Variants in CSMD1 observed in about 807,000 individuals in gnomAD.
The protein encoded by CSMD1 is CUB and sushi domain-containing protein 1.
A neutral mutation model predicts 417.5 loss-of-function variants in CSMD1; 213 were observed. The observed-to-expected ratio is 0.51, with a 90% CI of 0.46 to 0.57. The LOEUF is 0.57. Among genes scored for constraint, CSMD1 ranks in the 20% least tolerant of loss-of-function variants. The pLI, the probability that CSMD1 is intolerant of heterozygous loss-of-function variation, is 0.00. For synonymous variants in CSMD1, 2,862 were observed against 1,736.8 expected (o/e 1.65, Z -16.11); for missense variants, 6,923 against 4,529.7 (o/e 1.53, Z -15.17).
chr8:3,168,939 G>T (rs780587662), intron 37 of CSMD1, among the ~76,000 whole-genome samples: 1 of 151,976 alleles, frequency 6.6e-6, no homozygotes, highest in Non-Finnish European at 1.5e-5. Context: ...CTCTCTCTCA[G>T]GGGCTCACAA....
intron 1 of CSMD1, among the ~76,000 whole-genome samples, chr8:4,816,157 G>C (rs1298250139): frequency 6.6e-6 from 1 of 151,948 alleles, no homozygotes; most frequent in African/African-American, 2.4e-5. Flanking sequence ...TGCATGCTTT[G>C]GCTCAGGTTG....
At chr8:3,330,179 T>C (rs1806799038) in intron 23 of CSMD1, among the ~76,000 whole-genome samples, 2 of 152,178 alleles carry the variant, frequency 1.3e-5, no homozygotes, top group South Asian at 2.1e-4. Flanking sequence ...ACTTCTTCAA[T>C]TACTATAGCA....
At chr8:3,792,563 G>A (rs1238265466) in intron 5 of CSMD1, among the ~76,000 whole-genome samples, 1 of 152,116 alleles carries the variant, frequency 6.6e-6, no homozygotes, top group Non-Finnish European at 1.5e-5. Flanking sequence ...CTTTGGAATT[G>A]ACTCCTCCTT....
intron 3 of CSMD1, among the ~76,000 whole-genome samples, chr8:4,286,881 A>T (rs1563391802): frequency 1.3e-5 from 2 of 152,202 alleles, no homozygotes; most frequent in African/African-American, 4.8e-5. Flanking sequence ...AGGCCACTTC[A>T]TTCCATTGTG....
At chr8:3,575,198 A>C in intron 9 of CSMD1, 132 bp from the exon 10 acceptor site, 1 of 945,180 alleles carries the variant, frequency 1.1e-6, no homozygotes, top group South Asian at 1.8e-5. Flanking sequence ...TGGTGCATGG[A>C]CTCCAACTGG....
chr8:4,559,373 A>C (rs903999562), intron 2 of CSMD1, among the ~76,000 whole-genome samples: 1 of 152,158 alleles, frequency 6.6e-6, no homozygotes, highest in Non-Finnish European at 1.5e-5. Context: ...TAAAATATTA[A>C]AAAAAATCTT....
chr8:4,956,400 A>G (rs540492303), intron 1 of CSMD1, among the ~76,000 whole-genome samples: 1 of 150,000 alleles, frequency 6.7e-6, no homozygotes, highest in East Asian at 1.9e-4. Flanking sequence ...ATACACATAC[A>G]TTTTCAAGAT....
intron 3 of CSMD1, among the ~76,000 whole-genome samples, chr8:4,214,425 G>C (rs916440374): frequency 6.6e-6 from 1 of 152,136 alleles, no homozygotes; most frequent in Non-Finnish European, 1.5e-5. Context: ...AGGCTTCTAA[G>C]TAGCTGAGAC....
At chr8:3,973,378 G>A (rs1234945828) in intron 5 of CSMD1, among the ~76,000 whole-genome samples, 2 of 152,188 alleles carry the variant, frequency 1.3e-5, no homozygotes, top group African/African-American at 4.8e-5. Context: ...TAACTTTCAT[G>A]TATTCACCTA....
At chr8:4,643,889 G>T (rs1803355225) in intron 1 of CSMD1, among the ~76,000 whole-genome samples, 1 of 152,144 alleles carries the variant, frequency 6.6e-6, no homozygotes, top group African/African-American at 2.4e-5. Flanking sequence ...GGAACACCAT[G>T]CCCTGTAGGA....
chr8:3,282,661 C>T (rs1802827306), intron 26 of CSMD1, among the ~76,000 whole-genome samples: 3 of 152,216 alleles, frequency 2.0e-5, no homozygotes, highest in Middle Eastern at 3.4e-3. Flanking sequence ...AAAATTTTAC[C>T]ATGTACAAGT....
chr8:4,833,434 AT>A (rs1490835904), intron 1 of CSMD1, among the ~76,000 whole-genome samples: 1 of 152,178 alleles, frequency 6.6e-6, no homozygotes, highest in Non-Finnish European at 1.5e-5. Context: ...TGCCCCCATG[AT>A]CCAATCACCT....
chr8:4,023,493 A>T (rs772441453), intron 4 of CSMD1, among the ~76,000 whole-genome samples: 1 of 152,180 alleles, frequency 6.6e-6, no homozygotes, highest in Non-Finnish European at 1.5e-5. Flanking sequence ...GGAATCACAG[A>T]AGAGGAAGTC....
chr8:3,592,693 C>CGTGTGT (rs10655852), intron 8 of CSMD1, among the ~76,000 whole-genome samples: 61 of 143,484 alleles, frequency 4.3e-4, no homozygotes, highest in Non-Finnish European at 3.4e-4. Context: ...TGTGCACATC[C>CGTGTGT]GTGTGTGTGT....
chr8:3,773,162 TC>T (rs1220987410), intron 5 of CSMD1, among the ~76,000 whole-genome samples: 5 of 152,314 alleles, frequency 3.3e-5, no homozygotes, highest in African/African-American at 1.2e-4. Context: ...CATTAGGATT[TC>T]AACATGAACT....
chr8:3,405,897 T>G (rs929636093), intron 15 of CSMD1, 130 bp downstream of exon 15: 2 of 795,746 alleles, frequency 2.5e-6, no homozygotes, highest in Non-Finnish European at 3.9e-6. Context: ...CTCCTGTTGG[T>G]TAAGTGACTG....
chr8:4,402,336 C>G (rs1201705742), intron 3 of CSMD1, among the ~76,000 whole-genome samples: 1 of 151,962 alleles, frequency 6.6e-6, no homozygotes, highest in Non-Finnish European at 1.5e-5. Context: ...ACTTCATCAT[C>G]ACACTCCTTC....
intron 1 of CSMD1, among the ~76,000 whole-genome samples, chr8:4,717,586 A>ACC (rs1808764958): frequency 3.4e-5 from 5 of 146,924 alleles, no homozygotes; most frequent in Non-Finnish European, 7.5e-5. Context: ...ATCCATCCAT[A>ACC]CATCCATCCA....
chr8:3,501,644 C>T (rs1256900003), intron 10 of CSMD1, among the ~76,000 whole-genome samples: 2 of 152,188 alleles, frequency 1.3e-5, no homozygotes, highest in Non-Finnish European at 2.9e-5. Flanking sequence ...ATTCATTCCA[C>T]TTCAAATTAT....
Sources: gnomAD v4.1 joint callset for allele counts (sites outside exome capture counted in the v4.1 genomes callset) on GRCh38, gnomAD v4.1.1 for gene constraint, MANE v1.5 for transcripts, NCBI Gene and HGNC (gene_info 2026-07-23, HGNC 2026-07-21) for gene names.